The following ADA variants were observed in gnomAD, a reference collection of about 807,000 sequenced individuals.
ADA encodes the protein adenosine aminohydrolase.
A neutral mutation model predicts 49.0 loss-of-function variants in ADA; 45 were observed. The ratio of observed to expected loss-of-function variants is 0.92; its 90% CI spans 0.72 to 1.18. The LOEUF is 1.18. Ranked by LOEUF, ADA falls within the 50% of genes most tolerant of loss-of-function variation. The pLI, the probability that ADA is intolerant of heterozygous loss-of-function variation, is 0.00. For synonymous variants in ADA, 173 were observed against 184.2 expected (o/e 0.94, Z 0.49); for missense variants, 445 against 472.5 (o/e 0.94, Z 0.54).
chr20:44,625,459 C>T (rs2065372666), intron 5 of ADA, 110 bp downstream of exon 5: 2 of 1,009,320 alleles, frequency 2.0e-6, no homozygotes, highest in Admixed American at 2.0e-5. Flanking sequence ...CAAGGGGACA[C>T]CATGGGGCTG....
chr20:44,645,236 A>C (rs147294005), intron 1 of ADA, among the ~76,000 whole-genome samples: 16 of 152,004 alleles, frequency 1.1e-4, no homozygotes, highest in Non-Finnish European at 1.0e-4. Flanking sequence ...AGTGTATCCC[A>C]AGTCCCAGCT....
At chr20:44,644,542 T>C (rs923937843) in intron 1 of ADA, among the ~76,000 whole-genome samples, 11 of 152,224 alleles carry the variant, frequency 7.2e-5, no homozygotes, top group African/African-American at 2.2e-4. Context: ...AGAACCCAGA[T>C]GAGCCACAGG....
rs1555844395 is a variant in ADA, at chr20:44,624,205, G to T, written c.603C>A (p.Tyr201Ter). 6.2e-7 allele frequency: 1 copy of T among 1,611,268 alleles called. No homozygotes were observed. The highest frequency in any genetic ancestry group is 1.1e-5 in the South Asian group (1 of 90,566). ...SSLLPGHVQA[Y>*]QEAVKSGIHR... ...CATTCCTTCTCACAGGACCCACCTG[G>T]TAGGCCTGGACATGTCCAGGCAAGA... Residue 201 changes from tyrosine to a stop codon, truncating the protein, a stop_gained, in exon 6 of 12, where the codon TAC (tyrosine) becomes TAA (stop). Transcript: ENST00000372874. LOFTEE classifies it high-confidence loss of function.
chr20:44,651,105 C>T (rs1052984384), intron 1 of ADA, among the ~76,000 whole-genome samples: 1 of 152,292 alleles, frequency 6.6e-6, no homozygotes, highest in South Asian at 2.1e-4. Flanking sequence ...TTCCCCGGGG[C>T]GCATCCACAA....
At chr20:44,629,814 G>A (rs369443866) in intron 2 of ADA, among the ~76,000 whole-genome samples, 1 of 152,134 alleles carries the variant, frequency 6.6e-6, no homozygotes, top group African/African-American at 2.4e-5. Context: ...CAGTAAGAGC[G>A]TGCTGGAAAC....
At chr20:44,648,061 T>C (rs1195318753) in intron 1 of ADA, among the ~76,000 whole-genome samples, 1 of 152,100 alleles carries the variant, frequency 6.6e-6, no homozygotes, top group Non-Finnish European at 1.5e-5. Context: ...AAAAAGTCAC[T>C]GAAGGCACCT....
In ADA at chr20:44,631,043, T is replaced by G. The variant is rs550999838; in HGVS notation, c.96-1874A>C. Among the ~76,000 whole-genome samples the G allele has an allele frequency of 2.0e-5, 3 of 152,274 alleles. No homozygotes were observed. The South Asian group carries it at 6.2e-4, about 32-fold the overall frequency. On this transcript the variant is annotated intron_variant, in intron 2 of 11. Transcript: ENST00000372874. Reference sequence around the variant, plus strand: ...AATAAAAAAGAATAAAGGAGGAAAGTGCCAAAGAAACAGAAGTTTGACCAA... The same window carrying G: ...AATAAAAAAGAATAAAGGAGGAAAGGGCCAAAGAAACAGAAGTTTGACCAA...
intron 10 of ADA, 56 bp downstream of exon 10, chr20:44,620,962 G>A: frequency 1.2e-6 from 2 of 1,611,330 alleles, no homozygotes; most frequent in African/African-American, 1.3e-5. Flanking sequence ...GACTGGACCT[G>A]TAGATACCAT....
At chr20:44,621,604 A>G (rs1016502356) in intron 9 of ADA, among the ~76,000 whole-genome samples, 1 of 152,158 alleles carries the variant, frequency 6.6e-6, no homozygotes, top group Non-Finnish European at 1.5e-5. Context: ...TATCTAATGG[A>G]TCTTTCCTAG....
intron 1 of ADA, among the ~76,000 whole-genome samples, chr20:44,650,942 G>A (rs577829843): frequency 6.6e-6 from 1 of 152,304 alleles, no homozygotes; most frequent in South Asian, 2.1e-4. Context: ...GAAACAAGGG[G>A]ATTCTCCCCT....
chr20:44,647,742 C>A (rs927274257), intron 1 of ADA, among the ~76,000 whole-genome samples: 1 of 151,916 alleles, frequency 6.6e-6, no homozygotes, highest in Non-Finnish European at 1.5e-5. Flanking sequence ...CGTGGTGAAA[C>A]CCTGTCTCTA....
chr20:44,635,613 C>T (rs111850714), intron 2 of ADA, among the ~76,000 whole-genome samples: 149 of 152,242 alleles, frequency 9.8e-4, no homozygotes, highest in African/African-American at 3.5e-3. Context: ...AGTCAAAAGA[C>T]AGGAGCCAGG....
chr20:44,620,572 C>A, intron 10 of ADA, 171 bp from the exon 11 acceptor site: 1 of 683,492 alleles, frequency 1.5e-6, no homozygotes, highest in Non-Finnish European at 2.6e-6. Context: ...ACCATGAGGT[C>A]GTGTTCTTAA....
At chr20:44,647,390 C>T (rs376550092) in intron 1 of ADA, among the ~76,000 whole-genome samples, 1 of 151,652 alleles carries the variant, frequency 6.6e-6, no homozygotes, top group East Asian at 1.9e-4. Flanking sequence ...GAGCCGAGGT[C>T]GTGCCATTGC....
intron 9 of ADA, 121 bp downstream of exon 9, chr20:44,622,467 G>A (rs2123516104): frequency 8.4e-7 from 1 of 1,191,500 alleles, no homozygotes; most frequent in East Asian, 2.5e-5. Context: ...TGCTTCCCAG[G>A]GTGTCGAAGA....
intron 1 of ADA, among the ~76,000 whole-genome samples, chr20:44,639,423 G>A (rs1242781984): frequency 2.0e-5 from 3 of 151,518 alleles, no homozygotes; most frequent in Non-Finnish European, 4.4e-5. Context: ...TTTGTTTTTT[G>A]TTTTTTTAAG....
In ADA at chr20:44,639,899, A is replaced by G. The variant is rs189075495; in HGVS notation, c.34-3611T>C. Among the ~76,000 whole-genome samples, 45 of 152,176 alleles carry G rather than the reference A, an allele frequency of 3.0e-4. No homozygotes were observed. The East Asian group carries it at 6.6e-3, about 22-fold the overall frequency. Reference sequence around the variant, plus strand: ...AAGGGAGGTAAGGAAAAGGCCTAGGATGAAACTTTGACCAGCACAAGCACT... The same window carrying G: ...AAGGGAGGTAAGGAAAAGGCCTAGGGTGAAACTTTGACCAGCACAAGCACT... On this transcript the variant is annotated intron_variant, in intron 1 of 11. Coordinates refer to ENST00000372874, the MANE Select transcript of ADA (RefSeq NM_000022.4).
intron 1 of ADA, among the ~76,000 whole-genome samples, chr20:44,648,644 C>T (rs1055966054): frequency 6.6e-6 from 1 of 152,046 alleles, no homozygotes; most frequent in Non-Finnish European, 1.5e-5. Flanking sequence ...AGTAAAACCC[C>T]GTATCTTGTT....
intron 2 of ADA, among the ~76,000 whole-genome samples, chr20:44,635,390 C>T (rs2065470849): frequency 6.6e-6 from 1 of 152,236 alleles, no homozygotes; most frequent in Non-Finnish European, 1.5e-5. Flanking sequence ...TTGGGTTCAA[C>T]TCTTGATCTG....
Sources: allele counts gnomAD v4.1 joint callset (sites outside exome capture counted in the v4.1 genomes callset), GRCh38; gene constraint gnomAD v4.1.1; transcripts MANE v1.5; gene names NCBI Gene and HGNC (gene_info 2026-07-23, HGNC 2026-07-21).